Variants in RYR2 observed in about 807,000 individuals in gnomAD.
RYR2 encodes the protein cardiac muscle ryanodine receptor-calcium release channel.
In RYR2, 227 loss-of-function variants were observed where a neutral mutation model predicts 601.1. That is an observed-to-expected ratio of 0.38 (90% CI 0.34 to 0.42). The LOEUF is 0.42. Ranked by LOEUF, RYR2 falls within the 10% of genes least tolerant of loss-of-function variation. The pLI is 1.00. For missense variants in RYR2, 4,646 were observed against 6,156.5 expected (o/e 0.75, Z 8.21); for synonymous variants, 2,223 against 2,175.1 (o/e 1.02, Z -0.61).
At chr1:237,485,747 A>G (rs1313363247) in intron 17 of RYR2, among the ~76,000 whole-genome samples, 3 of 152,190 alleles carry the variant, frequency 2.0e-5, no homozygotes, top group Non-Finnish European at 4.4e-5. Context: ...ATGTAGGTAT[A>G]CATATTAATT....
intron 1 of RYR2, among the ~76,000 whole-genome samples, chr1:237,165,459 A>T (rs1676597442): frequency 6.6e-6 from 1 of 152,172 alleles, no homozygotes; most frequent in South Asian, 2.1e-4. Context: ...CAAATTTTTG[A>T]GACTGTCAAA....
chr1:237,785,958 A>T lies in RYR2; in HGVS notation c.13261-11A>T, dbSNP rs1391876423. On this transcript the variant is annotated splice_polypyrimidine_tract_variant and intron_variant, in intron 90 of 104. Transcript: ENST00000366574. ...AATCCTGGTTTTCTTTTCCCCATTG[A>T]CTCATTCAAGGAACAGAAGGCAAAA... The T allele has an allele frequency of 1.9e-6, 3 of 1,578,734 alleles. No individual in the cohort carries two copies. In the Admixed American group the frequency reaches 5.4e-5, roughly 28 times the overall value.
chr1:237,781,704 G>A (rs2149345210), intron 89 of RYR2, 58 bp downstream of exon 89: 1 of 871,304 alleles, frequency 1.1e-6, no homozygotes, highest in Non-Finnish European at 1.8e-6. Context: ...GGATCAGCAT[G>A]GGCTTATGGA....
rs115491415 is a variant in RYR2 at position 237,535,069 on chromosome 1, T to A, written c.2906+4559T>A. 4.4e-3 allele frequency among the ~76,000 whole-genome samples: 662 copies of A among 152,072 alleles called. 3 individuals are homozygous for A. The highest frequency in any genetic ancestry group is 0.01 in the Middle Eastern group (3 of 294). ...TGCTGTACAATAGATCTCTTGGATT[T>A]ATACATCATGGAAATTGTAAAACAA... On this transcript the variant is annotated intron_variant, in intron 25 of 104. Coordinates refer to ENST00000366574, the MANE Select transcript of RYR2 (RefSeq NM_001035.3).
Position 237,337,134 on chromosome 1 carries a change from C to T in RYR2, c.273+6152C>T, listed in dbSNP as rs565398613. On this transcript the variant is annotated intron_variant, in intron 3 of 104. Transcript: ENST00000366574. ...AGACGTGGTGACACGTGCCTGTAAT[C>T]CCAGCTACTTGGGAGGCTGAGGCAC... 5.9e-5 allele frequency among the ~76,000 whole-genome samples: 9 copies of T among 151,922 alleles called. No homozygotes were observed. The East Asian group carries it at 1.6e-3, about 26-fold the overall frequency.
chr1:237,826,143 G>A (rs1327573498), intron 101 of RYR2, among the ~76,000 whole-genome samples: 1 of 152,114 alleles, frequency 6.6e-6, no homozygotes, highest in East Asian at 1.9e-4. Context: ...AATACCATTT[G>A]ACCCAGCAAT....
intron 16 of RYR2, among the ~76,000 whole-genome samples, chr1:237,465,892 T>A (rs553468714): frequency 6.6e-6 from 1 of 152,238 alleles, no homozygotes; most frequent in South Asian, 2.1e-4. Flanking sequence ...TCTTAAGGGA[T>A]GATCATTTTA....
intron 95 of RYR2, among the ~76,000 whole-genome samples, chr1:237,794,937 T>C (rs954543572): frequency 1.3e-5 from 2 of 152,142 alleles, no homozygotes; most frequent in African/African-American, 2.4e-5. Flanking sequence ...GGAAAAACAA[T>C]GACAGGTTTC....
At chr1:237,108,594 G>A (rs1040887917) in intron 1 of RYR2, among the ~76,000 whole-genome samples, 7 of 152,318 alleles carry the variant, frequency 4.6e-5, no homozygotes, top group South Asian at 2.1e-4. Context: ...TCTATCAGTC[G>A]AAATTATTTC....
At chr1:237,549,518 G>A (rs1316186932) in intron 26 of RYR2, among the ~76,000 whole-genome samples, 1 of 151,854 alleles carries the variant, frequency 6.6e-6, no homozygotes, top group Non-Finnish European at 1.5e-5. Flanking sequence ...AGGCTGCAGT[G>A]AGACTCTGTT....
At chr1:237,163,703 C>G (rs531832736) in intron 1 of RYR2, among the ~76,000 whole-genome samples, 37 of 152,168 alleles carry the variant, frequency 2.4e-4, no homozygotes, top group African/African-American at 8.4e-4. Context: ...GGAAATACAC[C>G]CCATGTTTGT....
At chr1:237,695,592 T>C (rs2149005556) in intron 63 of RYR2, among the ~76,000 whole-genome samples, 1 of 152,330 alleles carries the variant, frequency 6.6e-6, no homozygotes, top group East Asian at 1.9e-4. Context: ...GCCCTTCCTG[T>C]TCTTCCTGAT....
intron 66 of RYR2, among the ~76,000 whole-genome samples, chr1:237,703,160 G>A (rs1688098486): frequency 6.6e-6 from 1 of 151,904 alleles, no homozygotes; most frequent in Non-Finnish European, 1.5e-5. Flanking sequence ...ATAGGTCAAA[G>A]GGTATGCCTG....
At chr1:237,625,091 C>G (rs545117603) in intron 39 of RYR2, among the ~76,000 whole-genome samples, 32 of 150,618 alleles carry the variant, frequency 2.1e-4, no homozygotes, top group African/African-American at 7.8e-4. Context: ...TTTCTAGTAT[C>G]CCTACAAATA....
chr1:237,774,040 G>A (rs1475865308), intron 87 of RYR2, among the ~76,000 whole-genome samples: 3 of 152,106 alleles, frequency 2.0e-5, no homozygotes, highest in African/African-American at 4.8e-5. Flanking sequence ...TGAAAACATC[G>A]CATATGTATA....
In RYR2 at chr1:237,450,230, G is replaced by C. The variant is rs78308619; in HGVS notation, c.1293-4161G>C. ...CAGTGTTCTGCTGAATATTTGAGGG[G>C]GACCTTCTGTAGGTCTCCAGGGTTC... On this transcript the variant is annotated intron_variant, in intron 14 of 104. Transcript: ENST00000366574. 2.7e-3 allele frequency among the ~76,000 whole-genome samples: 407 copies of C among 152,082 alleles called. 14 individuals are homozygous for C. In the East Asian group the frequency reaches 0.065, roughly 24 times the overall value.
At chr1:237,783,577 C>T in intron 89 of RYR2, 98 bp from the exon 90 acceptor site, 1 of 704,048 alleles carries the variant, frequency 1.4e-6, no homozygotes, top group Non-Finnish European at 2.4e-6. Context: ...GGGACATATC[C>T]TTGATTCAGA....
rs1404057404 is a variant in RYR2 at position 237,707,219 on chromosome 1, T to C, written c.9851T>C (p.Ile3284Thr). 1.3e-6 allele frequency: 2 copies of C among 1,591,538 alleles called. No individual in the cohort carries two copies. The highest frequency in any genetic ancestry group is 1.7e-6 in the Non-Finnish European group (2 of 1,163,696). ...NTLLGNILKIIYNNLGIDEGA... is the reference protein window; with the variant it reads ...NTLLGNILKITYNNLGIDEGA... ...CTTCTAGGGAACATATTGAAAATCA[T>C]ATATAATAACTTGGGGATTGATGAG... Residue 3284 changes from isoleucine to threonine, a missense_variant, in exon 68 of 105, where the codon ATA becomes ACA. By Grantham distance (89) the Ile-to-Thr change is moderately conservative. Around this residue, in one of 17 missense-constraint regions of RYR2, gnomAD observed 1,497 missense variants for 1,842.6 expected, o/e 0.81. Coordinates refer to ENST00000366574, the MANE Select transcript of RYR2 (RefSeq NM_001035.3).
At chr1:237,367,294 G>T (rs886904679) in intron 5 of RYR2, among the ~76,000 whole-genome samples, 2 of 152,024 alleles carry the variant, frequency 1.3e-5, no homozygotes, top group African/African-American at 2.4e-5. Context: ...GTTTCACAGT[G>T]TTGGCCAGGC....
Sources: gnomAD v4.1 joint callset for allele counts (sites outside exome capture counted in the v4.1 genomes callset) on GRCh38, gnomAD v4.1.1 for gene constraint, gnomAD v4.1.1 regional missense constraint, MANE v1.5 for transcripts, NCBI Gene and HGNC (gene_info 2026-07-23, HGNC 2026-07-21) for gene names.